Variants in ADCY8 observed in about 807,000 individuals in gnomAD.
ADCY8 encodes adenylate cyclase 8, also known as adenylate cyclase type 8.
A neutral mutation model predicts 119.7 loss-of-function variants in ADCY8; 51 were observed. The ratio of observed to expected loss-of-function variants is 0.43; its 90% CI spans 0.34 to 0.54. The LOEUF (loss-of-function observed/expected upper bound fraction) is 0.54. Ranked by LOEUF, ADCY8 falls within the 20% of genes least tolerant of loss-of-function variation. ADCY8 has a pLI of 0.03. For synonymous variants in ADCY8, 665 were observed against 651.0 expected (o/e 1.02, Z -0.33); for missense variants, 1,383 against 1,598.8 (o/e 0.87, Z 2.30).
At chr8:130,869,862 A>G (rs1454668635) in intron 8 of ADCY8, among the ~76,000 whole-genome samples, 2 of 152,006 alleles carry the variant, frequency 1.3e-5, no homozygotes, top group Non-Finnish European at 2.9e-5. Flanking sequence ...AGATTTGATA[A>G]TGAAAATTTA....
intron 7 of ADCY8, among the ~76,000 whole-genome samples, chr8:130,903,176 T>C (rs1216377470): frequency 4.6e-5 from 7 of 152,206 alleles, no homozygotes; most frequent in Admixed American, 3.3e-4. Context: ...CTACTCCTTA[T>C]GTACTGACTT....
chr8:131,034,894 A>G (rs1216070654), intron 1 of ADCY8, among the ~76,000 whole-genome samples: 1 of 152,168 alleles, frequency 6.6e-6, no homozygotes, highest in Non-Finnish European at 1.5e-5. Flanking sequence ...CTAATGAGCT[A>G]AAGTATGAGA....
At chr8:131,020,403 C>G (rs569479316) in intron 1 of ADCY8, among the ~76,000 whole-genome samples, 153 of 152,276 alleles carry the variant, frequency 1.0e-3, no homozygotes, top group Middle Eastern at 3.4e-3. Flanking sequence ...TTGCAATGGA[C>G]TGGCCATGGG....
intron 3 of ADCY8, among the ~76,000 whole-genome samples, chr8:130,946,701 C>T (rs1228714221): frequency 6.6e-6 from 1 of 152,164 alleles, no homozygotes; most frequent in Non-Finnish European, 1.5e-5. Context: ...ACACAGTTGG[C>T]CCTATTACAT....
At chr8:130,869,497 T>TC (rs1426616675) in intron 8 of ADCY8, among the ~76,000 whole-genome samples, 1 of 146,942 alleles carries the variant, frequency 6.8e-6, no homozygotes, top group Non-Finnish European at 1.5e-5. Flanking sequence ...TGTTTTTTTT[T>TC]TATTTTGTTT....
At chr8:130,937,650 A>T (rs968959627) in intron 4 of ADCY8, among the ~76,000 whole-genome samples, 4 of 152,214 alleles carry the variant, frequency 2.6e-5, no homozygotes, top group Non-Finnish European at 5.9e-5. Context: ...AGGAATTCCT[A>T]TTACTTCAAC....
chr8:130,966,300 G>T (rs1452460120), intron 2 of ADCY8, among the ~76,000 whole-genome samples: 1 of 152,150 alleles, frequency 6.6e-6, no homozygotes, highest in Non-Finnish European at 1.5e-5. Flanking sequence ...TTCAGTTTCA[G>T]TCTTAACATG....
intron 2 of ADCY8, among the ~76,000 whole-genome samples, chr8:130,969,185 T>G (rs1365715453): frequency 6.6e-6 from 1 of 152,144 alleles, no homozygotes. Context: ...CAGATTGTCC[T>G]TCATAATATG....
Position 130,992,078 on chromosome 8 carries a change from A to G in ADCY8, c.961-1536T>C, listed in dbSNP as rs1432939405. Among the ~76,000 whole-genome samples, 3 of 149,702 alleles carry G rather than the reference A, an allele frequency of 2.0e-5. No homozygotes were observed. In the East Asian group the frequency reaches 5.8e-4, roughly 29 times the overall value. On this transcript the variant is annotated intron_variant, in intron 1 of 17. Coordinates refer to ENST00000286355, the MANE Select transcript of ADCY8 (RefSeq NM_001115.3). Reference sequence around the variant, plus strand: ...TAATAATATATATTAATAAATAAAAATATATTTTATATACTTTTTTGAATG... The same window carrying G: ...TAATAATATATATTAATAAATAAAAGTATATTTTATATACTTTTTTGAATG...
chr8:130,795,115 A>G (rs1815539291), intron 15 of ADCY8, among the ~76,000 whole-genome samples: 1 of 152,206 alleles, frequency 6.6e-6, no homozygotes, highest in African/African-American at 2.4e-5. Flanking sequence ...TTTTAAAGAG[A>G]TTAAAAAGTA....
chr8:130,946,291 C>A (rs913155222), intron 3 of ADCY8, among the ~76,000 whole-genome samples: 20 of 152,300 alleles, frequency 1.3e-4, no homozygotes, highest in Non-Finnish European at 2.6e-4. Flanking sequence ...CAAATGGATT[C>A]CCTGAGAGCT....
At chr8:130,933,053 G>T (rs925833332) in intron 5 of ADCY8, among the ~76,000 whole-genome samples, 2 of 152,148 alleles carry the variant, frequency 1.3e-5, no homozygotes, top group Non-Finnish European at 2.9e-5. Context: ...TCTGCACTCT[G>T]GGGATTGATG....
chr8:131,038,023 C>T (rs1363700974), intron 1 of ADCY8, among the ~76,000 whole-genome samples: 2 of 152,116 alleles, frequency 1.3e-5, no homozygotes, highest in Non-Finnish European at 2.9e-5. Context: ...CTTTGCTTTA[C>T]CCAGAGAGAC....
At chr8:130,985,022 CCTA>C (rs1822355269) in intron 2 of ADCY8, among the ~76,000 whole-genome samples, 1 of 151,926 alleles carries the variant, frequency 6.6e-6, no homozygotes, top group Admixed American at 6.6e-5. Context: ...TTGAAGGATG[CCTA>C]CCTTTAAGTG....
At chr8:130,967,228 T>C (rs949578588) in intron 2 of ADCY8, among the ~76,000 whole-genome samples, 4 of 152,198 alleles carry the variant, frequency 2.6e-5, no homozygotes, top group Non-Finnish European at 5.9e-5. Context: ...TCATATTCTG[T>C]AGGTTCACTT....
chr8:130,864,981 T>C (rs1393680793), intron 9 of ADCY8, among the ~76,000 whole-genome samples: 1 of 152,188 alleles, frequency 6.6e-6, no homozygotes, highest in Non-Finnish European at 1.5e-5. Context: ...TGAGGATTTA[T>C]ATCACTCTGG....
chr8:130,905,768 G>A (rs1406044365), intron 6 of ADCY8, among the ~76,000 whole-genome samples: 2 of 152,178 alleles, frequency 1.3e-5, no homozygotes. Flanking sequence ...GCTGAGGTGG[G>A]AAGATCGCTT....
intron 9 of ADCY8, among the ~76,000 whole-genome samples, chr8:130,851,437 T>C (rs549633049): frequency 6.6e-6 from 1 of 152,178 alleles, no homozygotes; most frequent in East Asian, 1.9e-4. Context: ...GAGCAAAACA[T>C]CAGAAGAATG....
intron 15 of ADCY8, among the ~76,000 whole-genome samples, chr8:130,787,454 T>C (rs531730454): frequency 2.6e-5 from 4 of 152,072 alleles, no homozygotes; most frequent in African/African-American, 9.6e-5. Context: ...TGTGCAACTA[T>C]GTGTGCATAT....
Sources: gnomAD v4.1 joint callset for allele counts (sites outside exome capture counted in the v4.1 genomes callset) on GRCh38, gnomAD v4.1.1 for gene constraint, MANE v1.5 for transcripts, NCBI Gene and HGNC (gene_info 2026-07-23, HGNC 2026-07-21) for gene names.